The following JPH3 variants were observed in gnomAD, a reference collection of about 807,000 sequenced individuals.
JPH3 encodes the protein junctophilin-3.
JPH3 carries 11 observed loss-of-function variants against 59.6 expected under a neutral mutation model. The ratio of observed to expected loss-of-function variants is 0.18; its 90% CI spans 0.12 to 0.31. The LOEUF (loss-of-function observed/expected upper bound fraction) is 0.31, where lower values mean the gene tolerates loss of function less well. Among genes scored for constraint, JPH3 ranks in the 10% least tolerant of loss-of-function variants. The pLI is 1.00. For synonymous variants in JPH3, 673 were observed against 483.6 expected, an observed-to-expected ratio of 1.39 and a Z score of -5.14; for missense variants, 1,202 against 1,105.7, an observed-to-expected ratio of 1.09 and a Z score of -1.24.
At chr16:87,616,409 ATTT>A (rs55924986) in intron 1 of JPH3, among the ~76,000 whole-genome samples, 2 of 132,716 alleles carry the variant, frequency 1.5e-5, no homozygotes, top group Non-Finnish European at 1.6e-5. Flanking sequence ...AAGTTTTTGT[ATTT>A]TTTTTTTTTT....
intron 1 of JPH3, among the ~76,000 whole-genome samples, chr16:87,619,315 GAAAAAA>G (rs547047794): frequency 7.1e-6 from 1 of 140,604 alleles, no homozygotes; most frequent in African/African-American, 2.6e-5. Context: ...CCTGTCTTAA[GAAAAAA>G]AAAAAAAAGA....
intron 3 of JPH3, among the ~76,000 whole-genome samples, chr16:87,685,066 C>A (rs1259902659): frequency 1.3e-5 from 2 of 152,228 alleles, no homozygotes; most frequent in Admixed American, 6.5e-5. Flanking sequence ...GCACCTGACA[C>A]CACAGCCCTG....
At chr16:87,649,993 C>T (rs2032280200) in intron 2 of JPH3, among the ~76,000 whole-genome samples, 2 of 152,216 alleles carry the variant, frequency 1.3e-5, no homozygotes, top group African/African-American at 2.4e-5. Context: ...TTTTGCAAAG[C>T]AGAAACCCAA....
At chr16:87,653,164 G>C (rs1432797407) in intron 2 of JPH3, among the ~76,000 whole-genome samples, 2 of 152,214 alleles carry the variant, frequency 1.3e-5, no homozygotes, top group African/African-American at 4.8e-5. Flanking sequence ...GATCCTTGTT[G>C]ATGATGGCCT....
chr16:87,696,760 C>G lies in JPH3; in HGVS notation c.*100C>G, dbSNP rs945196000. On this transcript the variant is annotated 3_prime_UTR_variant, in exon 5 of 5. Transcript: ENST00000284262. ...AGGGAAAGACCGCAACTCGGACAGCCCAGCGACTTCCAAGTCCTCTCACAG... is the reference window on the plus strand; with the variant it reads ...AGGGAAAGACCGCAACTCGGACAGCGCAGCGACTTCCAAGTCCTCTCACAG... 5.5e-6 allele frequency: 5 copies of G among 911,912 alleles called. No individual in the cohort carries two copies. Among genetic ancestry groups the G allele is most frequent in the Non-Finnish European group, 8.8e-6 (5 of 569,718 alleles). The allele number at this position is 911,912 out of a possible 1,614,324, so 56.5% of individuals were successfully genotyped here. A position where few individuals can be genotyped will look rare whatever the true frequency, so the allele number is the denominator to read the frequency against.
At chr16:87,621,663 G>A (rs1040983029) in intron 1 of JPH3, among the ~76,000 whole-genome samples, 1 of 152,248 alleles carries the variant, frequency 6.6e-6, no homozygotes, top group African/African-American at 2.4e-5. Flanking sequence ...GGCTCCGGTT[G>A]AAGGGCCGGG....
intron 2 of JPH3, among the ~76,000 whole-genome samples, chr16:87,673,946 A>G (rs1267516069): frequency 1.3e-5 from 2 of 151,464 alleles, no homozygotes; most frequent in South Asian, 2.1e-4. Flanking sequence ...AATATAAATA[A>G]ATAATTTAAA....
rs71156237 is a variant in JPH3 at position 87,604,287 on chromosome 16, CCTGCTG to C, written c.382+796_382+801del. On this transcript the variant is annotated intron_variant, in intron 1 of 4. Coordinates refer to ENST00000284262, the MANE Select transcript of JPH3 (RefSeq NM_020655.4). ...GCCGGGGCCGGAAGCCAGGGAGCTG[CCTGCTG>C]CTGCTGCTGCTGCTGCTGCTGCTGC... 1.6e-3 allele frequency: 2,347 copies of C among 1,432,648 alleles called. 12 individuals are homozygous for C. The African/African-American group carries it at 0.02, about 12-fold the overall frequency. The allele number at this position is 1,432,648 out of a possible 1,614,324, so 88.7% of individuals were successfully genotyped here.
chr16:87,658,570 C>T (rs886823269), intron 2 of JPH3, among the ~76,000 whole-genome samples: 1 of 152,156 alleles, frequency 6.6e-6, no homozygotes, highest in African/African-American at 2.4e-5. Flanking sequence ...CCCCCTGTTT[C>T]TCTATCTCTT....
At chr16:87,674,876 T>G (rs1162195068) in intron 2 of JPH3, among the ~76,000 whole-genome samples, 2 of 152,146 alleles carry the variant, frequency 1.3e-5, no homozygotes, top group Non-Finnish European at 2.9e-5. Flanking sequence ...TTCTCCTGCC[T>G]CAGCCTCCTG....
At chr16:87,674,963 T>C (rs2033107746) in intron 2 of JPH3, among the ~76,000 whole-genome samples, 1 of 152,110 alleles carries the variant, frequency 6.6e-6, no homozygotes, top group Admixed American at 6.5e-5. Context: ...GGTTTCACCA[T>C]GTTGGCCAGG....
At position 87,696,844 on chromosome 16, in the gene JPH3, T is replaced by C. The variant is rs2033883227; in HGVS notation, c.*184T>C. 3 of 609,322 alleles carry C rather than the reference T, an allele frequency of 4.9e-6. No homozygotes were observed. The Admixed American group carries it at 8.3e-5, about 17-fold the overall frequency. The allele number at this position is 609,322 out of a possible 1,614,324, so 37.7% of individuals were successfully genotyped here. On this transcript the variant is annotated 3_prime_UTR_variant, in exon 5 of 5. Coordinates refer to ENST00000284262, the MANE Select transcript of JPH3 (RefSeq NM_020655.4). ...GCCTTTTTTTCTGGGTAATGTTTTT[T>C]GGATTTTAGCCAAAATTCTTTGCTT...
At position 87,603,338 on chromosome 16, in the gene JPH3, C is replaced by T; in HGVS notation, c.192C>T (p.Thr64=). 2 of 1,613,078 alleles carry T rather than the reference C, an allele frequency of 1.2e-6. No individual in the cohort carries two copies. The highest frequency in any genetic ancestry group is 1.7e-6 in the Non-Finnish European group (2 of 1,179,666). ...TWPSGNTYQG[T]WAQGKRHGIG... is the part of the protein sequence containing the mutation. Reference sequence around the variant, plus strand: ...CCAGCGGCAACACGTACCAGGGCACCTGGGCGCAGGGCAAGCGCCACGGCA... The same window carrying T: ...CCAGCGGCAACACGTACCAGGGCACTTGGGCGCAGGGCAAGCGCCACGGCA... Residue 64 remains threonine (T), a synonymous_variant, in exon 1 of 5, where the codon ACC becomes ACT. Coordinates refer to ENST00000284262, the MANE Select transcript of JPH3 (RefSeq NM_020655.4).
intron 1 of JPH3, among the ~76,000 whole-genome samples, chr16:87,610,137 G>C (rs935125680): frequency 6.6e-6 from 1 of 152,226 alleles, no homozygotes; most frequent in Non-Finnish European, 1.5e-5. Context: ...TGCTGCTGCT[G>C]ATCTCACAGG....
chr16:87,652,364 G>T (rs2032351858), intron 2 of JPH3, among the ~76,000 whole-genome samples: 2 of 152,190 alleles, frequency 1.3e-5, no homozygotes, highest in Non-Finnish European at 2.9e-5. Flanking sequence ...TCAGATTATT[G>T]TTCACATTTT....
intron 2 of JPH3, among the ~76,000 whole-genome samples, chr16:87,682,152 G>A (rs1250357473): frequency 6.6e-6 from 1 of 152,192 alleles, no homozygotes; most frequent in Non-Finnish European, 1.5e-5. Flanking sequence ...CCAGCAGCTT[G>A]CTTCATTTCC....
chr16:87,684,214 C>A lies in JPH3; in HGVS notation c.1233C>A (p.Ile411=). 1.2e-6 allele frequency: 2 copies of A among 1,613,942 alleles called. No homozygotes were observed. Residue 411 remains isoleucine, a synonymous_variant, in exon 3 of 5, where the codon ATC becomes ATA. Transcript: ENST00000284262. ...AGAAAGCCCAGGAGGAGGCGCGGAT[C>A]GCCAGGATCACTGCCAAAGAGTTCT... ...AAQKAQEEAR[I]ARITAKEFSP...
rs761253206 is a variant in JPH3, at chr16:87,690,397, G to A, written c.2037G>A (p.Ala679=). The change falls in exon 4 of 5, where the codon GCG becomes GCA. Residue 679 remains alanine (A), a synonymous_variant. Coordinates refer to ENST00000284262, the MANE Select transcript of JPH3 (RefSeq NM_020655.4). The part of the protein sequence containing the change: ...SSAEPAVQKL[A]SLRLGGAEPR... ...CGGAGCCCGCCGTGCAGAAACTGGC[G>A]AGCCTGCGGCTGGGCGGGGCCGAGC... is the stretch of plus-strand genomic sequence containing the variant. The A allele has an allele frequency of 2.0e-6, 3 of 1,516,804 alleles. No individual in the cohort carries two copies. Among genetic ancestry groups the A allele is most frequent in the Admixed American group, 2.2e-5 (1 of 44,918 alleles). 94.0% of individuals were successfully genotyped at this position (1,516,804 alleles called of 1,614,324 possible).
intron 1 of JPH3, among the ~76,000 whole-genome samples, chr16:87,607,173 A>C (rs74039507): frequency 0.081 from 12,307 of 152,238 alleles, 1,436 homozygotes; most frequent in African/African-American, 0.26. Flanking sequence ...AAACCCATAC[A>C]CTGCCCAGGA....
Sources: allele counts gnomAD v4.1 joint callset (sites outside exome capture counted in the v4.1 genomes callset), GRCh38; gene constraint gnomAD v4.1.1; transcripts MANE v1.5; gene names NCBI Gene and HGNC (gene_info 2026-07-23, HGNC 2026-07-21).